TENM4: variants seen among roughly 807,000 people sequenced by gnomAD.
TENM4 encodes teneurin transmembrane protein 4, also known as teneurin-4.
TENM4 carries 82 observed loss-of-function variants against 243.3 expected under a neutral mutation model. That is an observed-to-expected ratio of 0.34 (90% CI 0.28 to 0.40). The LOEUF (loss-of-function observed/expected upper bound fraction) is 0.40, where lower values mean the gene tolerates loss of function less well. Ranked by LOEUF, TENM4 falls within the 10% of genes least tolerant of loss-of-function variation. The pLI, the probability that TENM4 is intolerant of heterozygous loss-of-function variation, is 1.00. For missense variants in TENM4, 3,138 were observed against 3,673.3 expected (o/e 0.85, Z 3.77); for synonymous variants, 1,412 against 1,456.3 (o/e 0.97, Z 0.69).
intron 12 of TENM4, among the ~76,000 whole-genome samples, chr11:78,853,246 C>G (rs1354315006): frequency 6.6e-6 from 1 of 152,134 alleles, no homozygotes; most frequent in African/African-American, 2.4e-5. Context: ...GAATTTTTAT[C>G]TCCAGACTAT....
intron 6 of TENM4, among the ~76,000 whole-genome samples, chr11:78,988,913 G>C (rs898238767): frequency 2.3e-4 from 35 of 152,204 alleles, no homozygotes; most frequent in Non-Finnish European, 5.9e-5. Context: ...CTGAGCTCAA[G>C]TGATCCTCCT....
chr11:78,970,169 T>C (rs957322893), intron 6 of TENM4, among the ~76,000 whole-genome samples: 3 of 152,144 alleles, frequency 2.0e-5, no homozygotes, highest in Admixed American at 2.0e-4. Flanking sequence ...AGTGGTATCA[T>C]GCCCTGCTTT....
chr11:78,661,768 G>C (rs1858036921), intron 32 of TENM4, among the ~76,000 whole-genome samples, 177 bp from the exon 33 acceptor site: 1 of 152,026 alleles, frequency 6.6e-6, no homozygotes, highest in Non-Finnish European at 1.5e-5. Context: ...TGTACTCCTG[G>C]GACCCAGCAA....
chr11:78,670,389 C>G lies in TENM4; in HGVS notation c.5956G>C (p.Ala1986Pro), dbSNP rs776078477. The stretch of plus-strand genomic sequence containing the variant: ...TCAGTGAAGTCCTGTATGACTGAGG[C>G]ATTGCCCTCAGGGGGCTGATAGATG... ...RNIYQPPEGN[A>P]SVIQDFTEDG... Residue 1986 changes from alanine (A) to proline (P), a missense_variant, in exon 32 of 34, where the codon GCC becomes CCC. Ala to Pro is a conservative substitution (Grantham distance 27). Around this residue, in one of 2 missense-constraint regions of TENM4, gnomAD observed 2,467 missense variants for 3,059.1 expected, o/e 0.81. Coordinates refer to ENST00000278550, the MANE Select transcript of TENM4 (RefSeq NM_001098816.3). 1.2e-6 allele frequency: 2 copies of G among 1,613,934 alleles called. No homozygotes were observed. Among genetic ancestry groups the G allele is most frequent in the Middle Eastern group, 3.3e-4 (2 of 6,062 alleles).
At chr11:79,016,009 C>A (rs534565689) in intron 6 of TENM4, among the ~76,000 whole-genome samples, 16 of 152,134 alleles carry the variant, frequency 1.1e-4, no homozygotes, top group African/African-American at 3.9e-4. Flanking sequence ...CAAGGGCGAG[C>A]CTGATGAGAC....
intron 30 of TENM4, among the ~76,000 whole-genome samples, chr11:78,675,921 A>T (rs1858456381): frequency 6.6e-6 from 1 of 152,198 alleles, no homozygotes; most frequent in Non-Finnish European, 1.5e-5. Context: ...GGAATAATAT[A>T]AGCTGGAAAT....
intron 1 of TENM4, among the ~76,000 whole-genome samples, chr11:79,428,440 T>A (rs550306130): frequency 6.6e-6 from 1 of 152,358 alleles, no homozygotes; most frequent in East Asian, 1.9e-4. Context: ...GCTATTATCA[T>A]CTGATAAGCA....
chr11:78,961,909 G>T (rs1857332915), intron 6 of TENM4, among the ~76,000 whole-genome samples: 1 of 151,684 alleles, frequency 6.6e-6, no homozygotes, highest in Non-Finnish European at 1.5e-5. Flanking sequence ...CCTGTCCGAT[G>T]TCTCTCATGG....
In TENM4 at chr11:79,411,444, G is replaced by A. The variant is rs80163336; in HGVS notation, c.-321+29065C>T. On this transcript the variant is annotated intron_variant, in intron 1 of 33. Coordinates refer to ENST00000278550, the MANE Select transcript of TENM4 (RefSeq NM_001098816.3). ...CTGAGACTCAGAACATGATAGAAGC[G>A]ATTTGCTCTCCAGCGTGAAGCAAGT... is the stretch of plus-strand genomic sequence containing the variant. 9.4e-3 allele frequency among the ~76,000 whole-genome samples: 1,436 copies of A among 152,264 alleles called. 24 individuals carry two copies. The highest frequency in any genetic ancestry group is 0.033 in the African/African-American group (1,369 of 41,552).
intron 6 of TENM4, among the ~76,000 whole-genome samples, chr11:79,014,310 C>T (rs994738911): frequency 2.6e-5 from 4 of 152,176 alleles, no homozygotes; most frequent in Admixed American, 6.5e-5. Context: ...CCCCACACCT[C>T]CCTGGTGATA....
chr11:79,259,658 TATCCATCC>T (rs10534484), intron 2 of TENM4, among the ~76,000 whole-genome samples: 24,546 of 145,224 alleles, frequency 0.17, 2,325 homozygotes, highest in African/African-American at 0.28. Flanking sequence ...TCCATCCATC[TATCCATCC>T]ATCCATCCAT....
intron 6 of TENM4, among the ~76,000 whole-genome samples, chr11:78,907,882 C>T (rs765217995): frequency 2.4e-4 from 36 of 152,196 alleles, no homozygotes; most frequent in Non-Finnish European, 1.0e-4. Flanking sequence ...CCAAGTATAT[C>T]TGTGAATCAA....
At chr11:79,146,731 T>C (rs1276920981) in intron 4 of TENM4, among the ~76,000 whole-genome samples, 4 of 152,132 alleles carry the variant, frequency 2.6e-5, no homozygotes, top group Non-Finnish European at 5.9e-5. Flanking sequence ...ATACATCCTA[T>C]GCTGCATCCT....
At chr11:79,276,256 A>G (rs908829052) in intron 2 of TENM4, among the ~76,000 whole-genome samples, 6 of 152,242 alleles carry the variant, frequency 3.9e-5, no homozygotes, top group Non-Finnish European at 5.9e-5. Flanking sequence ...TGCTAATGGC[A>G]TACTGTATAA....
chr11:78,672,138 G>T lies in TENM4; in HGVS notation c.5688C>A (p.Ile1896=), dbSNP rs775535797. 3.7e-6 allele frequency: 6 copies of T among 1,613,782 alleles called. No homozygotes were observed. Among genetic ancestry groups the T allele is most frequent in the African/African-American group, 1.3e-5 (1 of 74,962 alleles). ...TYSPGGYIAG[I]QRGIMSERME... is the part of the protein sequence containing the mutation. Reference sequence around the variant, plus strand: ...TTCTTTCAGACATGATGCCCCTCTGGATGCCAGCAATGTAACCCCCAGGGG... The same window carrying T: ...TTCTTTCAGACATGATGCCCCTCTGTATGCCAGCAATGTAACCCCCAGGGG... Residue 1896 remains isoleucine, a synonymous_variant, in exon 31 of 34, where the codon ATC becomes ATA. Transcript: ENST00000278550.
At chr11:79,090,694 G>A (rs927299748) in intron 4 of TENM4, among the ~76,000 whole-genome samples, 1 of 152,216 alleles carries the variant, frequency 6.6e-6, no homozygotes, top group South Asian at 2.1e-4. Context: ...TGGCACTTAA[G>A]AGGTAAGAGG....
At chr11:78,822,188 T>G (rs1173065126) in intron 12 of TENM4, among the ~76,000 whole-genome samples, 1 of 152,232 alleles carries the variant, frequency 6.6e-6, no homozygotes, top group East Asian at 1.9e-4. Flanking sequence ...GCCTGAAATC[T>G]TATGACTCTG....
chr11:79,112,446 C>T (rs894923523), intron 4 of TENM4, among the ~76,000 whole-genome samples: 25 of 151,110 alleles, frequency 1.7e-4, no homozygotes, highest in Admixed American at 1.3e-4. Flanking sequence ...CACAGCTGAG[C>T]GGGGTGATTC....
chr11:79,402,984 T>G (rs1858493042), intron 1 of TENM4, among the ~76,000 whole-genome samples: 1 of 152,218 alleles, frequency 6.6e-6, no homozygotes, highest in South Asian at 2.1e-4. Flanking sequence ...ATATTAAACC[T>G]TCACACAACA....
Sources: gnomAD v4.1 joint callset for allele counts (sites outside exome capture counted in the v4.1 genomes callset) on GRCh38, gnomAD v4.1.1 for gene constraint, gnomAD v4.1.1 regional missense constraint, MANE v1.5 for transcripts, NCBI Gene and HGNC (gene_info 2026-07-23, HGNC 2026-07-21) for gene names.